COL5A1: variants seen among roughly 807,000 people sequenced by gnomAD.
COL5A1 encodes collagen type V alpha 1 chain.
In COL5A1, 16 loss-of-function variants were observed where a neutral mutation model predicts 263.7. The observed-to-expected ratio is 0.06, with a 90% CI of 0.04 to 0.09. COL5A1 has a LOEUF of 0.09. COL5A1 is among the 10% of genes least tolerant of loss of function. The pLI is 1.00. For synonymous variants in COL5A1, 1,012 were observed against 1,004.5 expected (o/e 1.01, Z -0.14); for missense variants, 2,036 against 2,540.5 (o/e 0.80, Z 4.27).
chr9:134,702,560 C>G (rs184771816), intron 4 of COL5A1, among the ~76,000 whole-genome samples: 1 of 152,232 alleles, frequency 6.6e-6, no homozygotes, highest in East Asian at 1.9e-4. Context: ...GCGAAGGAGA[C>G]ATCACACGTA....
At chr9:134,782,456 T>C (rs925653272) in intron 28 of COL5A1, 10 of 661,820 alleles carry the variant, frequency 1.5e-5, no homozygotes, top group Non-Finnish European at 2.7e-5. Context: ...CGCAGCTCTC[T>C]CCAGCTTCAG....
intron 31 of COL5A1, among the ~76,000 whole-genome samples, chr9:134,786,545 C>T (rs1031669768): frequency 1.2e-4 from 18 of 152,134 alleles, no homozygotes; most frequent in Non-Finnish European, 2.2e-4. Context: ...ACCCAGAATC[C>T]GTGGGATGGT....
At position 134,738,028 on chromosome 9, in the gene COL5A1, G is replaced by A. The variant is rs1835166110; in HGVS notation, c.1390-446G>A. Among the ~76,000 whole-genome samples the A allele has an allele frequency of 1.3e-5, 2 of 152,180 alleles. 1 individual carries two copies. The highest frequency in any genetic ancestry group is 4.8e-5 in the African/African-American group (2 of 41,438). On this transcript the variant is annotated intron_variant, in intron 9 of 65. Coordinates refer to ENST00000371817, the MANE Select transcript of COL5A1 (RefSeq NM_000093.5). The stretch of plus-strand genomic sequence containing the variant: ...CTGGCTGGGGACAGAAGTTCAGCCT[G>A]GAGCTGGGGCACCTATTTTTCCCTT...
chr9:134,758,109 G>A lies in COL5A1; in HGVS notation c.1882-134G>A, dbSNP rs151104724. 538 of 846,084 alleles carry A rather than the reference G, an allele frequency of 6.4e-4. 2 individuals carry two copies. In the African/African-American group the frequency reaches 8.3e-3, roughly 13 times the overall value. The allele number at this position is 846,084 out of a possible 1,614,324, so 52.4% of individuals were successfully genotyped here. ...GGGGCCTATGGGGAGAGGGCTGGCC[G>A]ATGGGGTTCAGGGTGCATAGATGCT... On this transcript the variant is annotated intron_variant, in intron 17 of 65. Transcript: ENST00000371817. This position sits in a 1 kb window ranked among gnomAD's most constrained non-coding sequence, Gnocchi z 4.1.
At chr9:134,699,420 T>C (rs868822976) in intron 2 of COL5A1, among the ~76,000 whole-genome samples, 2 of 152,130 alleles carry the variant, frequency 1.3e-5, no homozygotes, top group African/African-American at 4.8e-5. Context: ...TCGAGGCTGT[T>C]GCTTCCCTTC....
chr9:134,738,456 C>T lies in COL5A1; in HGVS notation c.1390-18C>T, dbSNP rs1323115421. On this transcript the variant is annotated intron_variant, in intron 9 of 65. Coordinates refer to ENST00000371817, the MANE Select transcript of COL5A1 (RefSeq NM_000093.5). ...GGGATGGGCTGCGGTCTCAGACGCC[C>T]TCTCTCTGTCTCCCCAGGGCATGCT... The T allele has an allele frequency of 1.9e-6, 3 of 1,609,952 alleles. No homozygotes were observed. In the African/African-American group the frequency reaches 4.0e-5, roughly 21 times the overall value.
intron 65 of COL5A1, among the ~76,000 whole-genome samples, chr9:134,838,922 G>A (rs970633031): frequency 5.3e-5 from 8 of 152,200 alleles, no homozygotes; most frequent in Admixed American, 3.3e-4. Context: ...ATGCAGGGAC[G>A]CTGGCCCGGA....
chr9:134,671,018 C>T (rs1039510808), intron 1 of COL5A1, among the ~76,000 whole-genome samples: 11 of 152,230 alleles, frequency 7.2e-5, no homozygotes, highest in African/African-American at 1.4e-4. Flanking sequence ...TGTGAGGAGA[C>T]GTGAAGTCGG....
chr9:134,683,319 C>A (rs909528202), intron 1 of COL5A1, among the ~76,000 whole-genome samples: 2 of 152,166 alleles, frequency 1.3e-5, no homozygotes, highest in African/African-American at 4.8e-5. Flanking sequence ...AAAAGTGGGA[C>A]TTTCCTCTTG....
At chr9:134,804,488 C>T (rs902844710) in intron 39 of COL5A1, among the ~76,000 whole-genome samples, 2 of 152,210 alleles carry the variant, frequency 1.3e-5, no homozygotes, top group African/African-American at 4.8e-5. Context: ...CACGGTCTTA[C>T]AAGGAGCCCC....
At chr9:134,808,335 CTGGT>C (rs1320724143) in intron 42 of COL5A1, among the ~76,000 whole-genome samples, 2 of 152,234 alleles carry the variant, frequency 1.3e-5, no homozygotes, top group East Asian at 3.9e-4. Flanking sequence ...GATGCGATGG[CTGGT>C]CAAACTGAGC....
intron 9 of COL5A1, chr9:134,732,729 T>C (rs1036958802): frequency 2.9e-5 from 5 of 170,766 alleles, no homozygotes; most frequent in African/African-American, 1.2e-4. Context: ...GTTCAAAAAG[T>C]TACTGTTGAT....
At chr9:134,692,246 A>C (rs1833311723) in intron 2 of COL5A1, among the ~76,000 whole-genome samples, 1 of 152,158 alleles carries the variant, frequency 6.6e-6, no homozygotes, top group African/African-American at 2.4e-5. Flanking sequence ...ATATTCTCTT[A>C]AACAGCCCAC....
intron 11 of COL5A1, among the ~76,000 whole-genome samples, chr9:134,744,783 ACACATACACC>A (rs1835439606): frequency 6.6e-6 from 1 of 151,816 alleles, no homozygotes; most frequent in Non-Finnish European, 1.5e-5. Context: ...ATACATGCAC[ACACATACACC>A]CACACATGTA....
chr9:134,805,152 G>C lies in COL5A1; in HGVS notation c.3205-9G>C, dbSNP rs1419512914. The C allele has an allele frequency of 6.2e-7, 1 of 1,614,074 alleles. No individual in the cohort carries two copies. The highest frequency in any genetic ancestry group is 1.1e-5 in the South Asian group (1 of 91,082). ...CGTGCCCTTGACCAACCTTTTCATG[G>C]CTTTGCAGGGAGCTCTTGGACTGAA... On this transcript the variant is annotated splice_polypyrimidine_tract_variant and intron_variant, in intron 40 of 65. Transcript: ENST00000371817.
intron 4 of COL5A1, among the ~76,000 whole-genome samples, chr9:134,719,056 C>T (rs760944624): frequency 1.3e-5 from 2 of 152,100 alleles, no homozygotes; most frequent in African/African-American, 2.4e-5. Flanking sequence ...CACGTTGGAG[C>T]GGGGAAGTGG....
At chr9:134,832,892 G>C (rs1382678831) in intron 64 of COL5A1, 1 of 152,302 alleles carries the variant, frequency 6.6e-6, no homozygotes, top group Non-Finnish European at 1.5e-5. Context: ...TGTTGAAAAA[G>C]TGGGTCCTGC....
Position 134,700,215 on chromosome 9 carries a change from G to T in COL5A1, c.491+93G>T. On this transcript the variant is annotated intron_variant, in intron 3 of 65. Transcript: ENST00000371817. The surrounding 1 kb of genome is among the most constrained non-coding windows in gnomAD (Gnocchi z 4.0). ...CCAGATGTGGGGCACAGTAGAGGAC[G>T]TGCAGCAGCCGGTACTGAGACTCCC... The T allele has an allele frequency of 4.0e-6, 5 of 1,237,670 alleles. No homozygotes were observed. The highest frequency in any genetic ancestry group is 2.7e-4 in the Middle Eastern group (1 of 3,710). 76.7% of individuals were successfully genotyped at this position (1,237,670 alleles called of 1,614,324 possible). A position where few individuals can be genotyped will look rare whatever the true frequency, so the allele number is the denominator to read the frequency against.
chr9:134,819,892 C>T (rs1167326479), intron 57 of COL5A1, among the ~76,000 whole-genome samples: 1 of 152,200 alleles, frequency 6.6e-6, no homozygotes, highest in Non-Finnish European at 1.5e-5. Context: ...GTGTCTGTGG[C>T]TCCCTGTCTG....
Sources: gnomAD v4.1 joint callset for allele counts (sites outside exome capture counted in the v4.1 genomes callset) on GRCh38, gnomAD v4.1.1 for gene constraint, Gnocchi (gnomAD v3.1) non-coding constraint, MANE v1.5 for transcripts, NCBI Gene and HGNC (gene_info 2026-07-23, HGNC 2026-07-21) for gene names.